Variants in MAP3K7 observed in about 807,000 individuals in gnomAD.
MAP3K7 encodes mitogen-activated protein kinase kinase kinase 7, also known as TGF-beta activated kinase 1.
Under a neutral mutation model 84.8 loss-of-function variants are expected in MAP3K7, and 21 were observed. The ratio of observed to expected loss-of-function variants is 0.25; its 90% CI spans 0.18 to 0.36. The LOEUF (loss-of-function observed/expected upper bound fraction) is 0.36. Ranked by LOEUF, MAP3K7 falls within the 10% of genes least tolerant of loss-of-function variation. The pLI is 1.00. For synonymous variants in MAP3K7, 241 were observed against 247.7 expected (o/e 0.97, Z 0.25); for missense variants, 503 against 747.7 (o/e 0.67, Z 3.82).
chr6:90,527,535 G>A (rs1775361292), intron 13 of MAP3K7, among the ~76,000 whole-genome samples: 1 of 152,142 alleles, frequency 6.6e-6, no homozygotes, highest in Non-Finnish European at 1.5e-5. Context: ...CTAACGTGCT[G>A]GGATTATAGG....
At chr6:90,554,078 T>A (rs976062978) in intron 6 of MAP3K7, among the ~76,000 whole-genome samples, 6 of 152,158 alleles carry the variant, frequency 3.9e-5, no homozygotes, top group Admixed American at 6.5e-5. Context: ...GTTAATTTTT[T>A]AAATTTTTTG....
chr6:90,565,275 C>T (rs1428011228), intron 3 of MAP3K7, among the ~76,000 whole-genome samples: 1 of 151,974 alleles, frequency 6.6e-6, no homozygotes. Context: ...AATCCAGGAG[C>T]TGGTTTTTTG....
chr6:90,533,428 T>C (rs1252596901), intron 13 of MAP3K7, among the ~76,000 whole-genome samples: 3 of 152,028 alleles, frequency 2.0e-5, no homozygotes, highest in Non-Finnish European at 4.4e-5. Context: ...TATTATAGGA[T>C]TTAGGCTTTG....
Position 90,554,793 on chromosome 6 carries a change from G to C in MAP3K7, c.608-1207C>G, listed in dbSNP as rs35539576. 4.7e-3 allele frequency among the ~76,000 whole-genome samples: 718 copies of C among 152,246 alleles called. 7 individuals carry two copies. The highest frequency in any genetic ancestry group is 0.016 in the African/African-American group (678 of 41,546). ...AATAAGTAAATAATTTTAAAACAATGTCAAATGTATACATTCTGTATATGA... is the reference window on the plus strand; with the variant it reads ...AATAAGTAAATAATTTTAAAACAATCTCAAATGTATACATTCTGTATATGA... On this transcript the variant is annotated intron_variant, in intron 6 of 16. Transcript: ENST00000369329.
chr6:90,532,252 G>A (rs1775533237), intron 13 of MAP3K7, among the ~76,000 whole-genome samples: 1 of 152,158 alleles, frequency 6.6e-6, no homozygotes, highest in South Asian at 2.1e-4. Flanking sequence ...AAGAACGCTG[G>A]TGGATTTTAC....
At chr6:90,522,382 G>C (rs545951342) in intron 14 of MAP3K7, among the ~76,000 whole-genome samples, 2 of 152,164 alleles carry the variant, frequency 1.3e-5, no homozygotes, top group East Asian at 1.9e-4. Context: ...AAGACAGAAG[G>C]CTCTGCTGAG....
chr6:90,562,720 G>A (rs1776566737), intron 3 of MAP3K7, among the ~76,000 whole-genome samples: 2 of 152,208 alleles, frequency 1.3e-5, no homozygotes, highest in Admixed American at 6.5e-5. Flanking sequence ...GCTTTGAAGA[G>A]AGCAGTGATT....
chr6:90,578,942 G>A lies in MAP3K7; in HGVS notation c.121-7135C>T, dbSNP rs1272419784. ...CTTTCTTACAAATATGATGGAGTTT[G>A]AGTGTCACCATAAACCCATGAATAT... On this transcript the variant is annotated intron_variant, in intron 1 of 16. Transcript: ENST00000369329. Among the ~76,000 whole-genome samples, 6 of 152,158 alleles carry A rather than the reference G, an allele frequency of 3.9e-5. 1 individual carries two copies. Among genetic ancestry groups the A allele is most frequent in the African/African-American group, 1.4e-4 (6 of 41,422 alleles).
chr6:90,545,536 T>C (rs1582192933), intron 11 of MAP3K7, among the ~76,000 whole-genome samples: 2 of 152,124 alleles, frequency 1.3e-5, no homozygotes, highest in African/African-American at 4.8e-5. Context: ...AAAGGGTTCC[T>C]CAAAGCATGA....
chr6:90,550,415 G>T, intron 9 of MAP3K7, 53 bp downstream of exon 9: 3 of 1,138,542 alleles, frequency 2.6e-6, no homozygotes, highest in Non-Finnish European at 2.6e-6. Flanking sequence ...AATTTCATGG[G>T]AATAGAGATG....
chr6:90,568,785 C>T (rs567435242), intron 2 of MAP3K7, among the ~76,000 whole-genome samples, 162 bp from the exon 3 acceptor site: 100 of 152,252 alleles, frequency 6.6e-4, no homozygotes, highest in Non-Finnish European at 1.3e-3. Context: ...CTGAAAATAC[C>T]AAGTGACTGC....
At position 90,586,925 on chromosome 6, in the gene MAP3K7, C is replaced by G; in HGVS notation, c.-42G>C. The G allele has an allele frequency of 6.4e-7, 1 of 1,567,234 alleles. No homozygotes were observed. The highest frequency in any genetic ancestry group is 1.1e-5 in the South Asian group (1 of 87,448). On this transcript the variant is annotated 5_prime_UTR_variant, in exon 1 of 17. Coordinates refer to ENST00000369329, the MANE Select transcript of MAP3K7 (RefSeq NM_145331.3). Reference sequence around the variant, plus strand: ...CGGTGGGGCCGGGAACGGTGCCACCCGGACAATCCGGGTGAGACCCGCGCC... The same window carrying G: ...CGGTGGGGCCGGGAACGGTGCCACCGGGACAATCCGGGTGAGACCCGCGCC...
chr6:90,545,020 G>A (rs779125906), intron 11 of MAP3K7, among the ~76,000 whole-genome samples: 12 of 152,054 alleles, frequency 7.9e-5, no homozygotes, highest in Non-Finnish European at 1.6e-4. Context: ...GTAAGTTGTC[G>A]TATTTGTTTT....
Position 90,553,411 on chromosome 6 carries a change from G to A in MAP3K7, c.736+47C>T, listed in dbSNP as rs753808084. 11 of 1,577,656 alleles carry A rather than the reference G, an allele frequency of 7.0e-6. No individual in the cohort carries two copies. In the South Asian group the frequency reaches 1.3e-4, roughly 18 times the overall value. Reference sequence around the variant, plus strand: ...GAAGGGGACAGGAGTAGTCTTCCAAGTAGAAAACACAAAAAGTACTTTTAA... The same window carrying A: ...GAAGGGGACAGGAGTAGTCTTCCAAATAGAAAACACAAAAAGTACTTTTAA... On this transcript the variant is annotated intron_variant, in intron 7 of 16. Coordinates refer to ENST00000369329, the MANE Select transcript of MAP3K7 (RefSeq NM_145331.3).
intron 13 of MAP3K7, 64 bp from the exon 14 acceptor site, chr6:90,523,847 G>T: frequency 1.0e-6 from 1 of 976,242 alleles, no homozygotes; most frequent in Non-Finnish European, 1.6e-6. Context: ...TGACGAGAAC[G>T]TTTCCATTAA....
chr6:90,550,424 T>A, intron 9 of MAP3K7, 44 bp downstream of exon 9: 1 of 1,274,372 alleles, frequency 7.8e-7, no homozygotes, highest in Non-Finnish European at 1.1e-6. Flanking sequence ...GGAATAGAGA[T>A]GAAAGAAAAA....
chr6:90,572,118 A>G (rs1341628043), intron 1 of MAP3K7, among the ~76,000 whole-genome samples: 1 of 152,082 alleles, frequency 6.6e-6, no homozygotes. Context: ...ATGGAGAAAA[A>G]AAAACTAAAA....
At chr6:90,518,638 G>T in intron 15 of MAP3K7, 76 bp from the exon 16 acceptor site, 1 of 759,508 alleles carries the variant, frequency 1.3e-6, no homozygotes, top group South Asian at 1.5e-5. Flanking sequence ...TCAAGACAGA[G>T]ACTGTGATAT....
chr6:90,562,508 C>T (rs1046455661), intron 3 of MAP3K7, among the ~76,000 whole-genome samples: 1 of 152,170 alleles, frequency 6.6e-6, no homozygotes, highest in East Asian at 1.9e-4. Flanking sequence ...AACTGCAAGG[C>T]GGCAGCGACG....
Sources: gnomAD v4.1 joint callset for allele counts (sites outside exome capture counted in the v4.1 genomes callset) on GRCh38, gnomAD v4.1.1 for gene constraint, MANE v1.5 for transcripts, NCBI Gene and HGNC (gene_info 2026-07-23, HGNC 2026-07-21) for gene names.